Variants in SGCZ observed in about 807,000 individuals in gnomAD.
SGCZ encodes the protein sarcoglycan zeta, also known as zeta-sarcoglycan.
In SGCZ, 40 loss-of-function variants were observed where a neutral mutation model predicts 41.3. That is an observed-to-expected ratio of 0.97 (90% confidence interval 0.75 to 1.26). The LOEUF is 1.26. Among genes scored for constraint, SGCZ ranks in the 50% most tolerant of loss-of-function variants. The pLI is 0.00. For synonymous variants in SGCZ, 206 were observed against 137.5 expected (o/e 1.50, Z -3.49); for missense variants, 552 against 369.8 (o/e 1.49, Z -4.04).
intron 1 of SGCZ, among the ~76,000 whole-genome samples, chr8:14,894,747 T>G (rs1452501725): frequency 6.6e-6 from 1 of 151,440 alleles, no homozygotes; most frequent in East Asian, 1.9e-4. Flanking sequence ...GTCGGTCTTC[T>G]TTTTGTTATA....
intron 1 of SGCZ, among the ~76,000 whole-genome samples, chr8:14,996,984 T>C (rs1260149541): frequency 6.6e-6 from 1 of 152,198 alleles, no homozygotes; most frequent in Non-Finnish European, 1.5e-5. Flanking sequence ...AGACGCTCTT[T>C]TGTGTTCATT....
intron 2 of SGCZ, among the ~76,000 whole-genome samples, chr8:14,494,967 G>A (rs1236954609): frequency 6.6e-6 from 1 of 152,138 alleles, no homozygotes; most frequent in Non-Finnish European, 1.5e-5. Flanking sequence ...GAATTTAAAG[G>A]TAATTTGGGG....
chr8:14,502,513 A>G (rs1802182917), intron 2 of SGCZ, among the ~76,000 whole-genome samples: 1 of 152,152 alleles, frequency 6.6e-6, no homozygotes, highest in Non-Finnish European at 1.5e-5. Flanking sequence ...ACACTTTTAA[A>G]GTATACTGCT....
In SGCZ at chr8:15,008,347, T is replaced by C. The variant is rs1394332608; in HGVS notation, c.39+229238A>G. On this transcript the variant is annotated intron_variant, in intron 1 of 7. Coordinates refer to ENST00000382080, the MANE Select transcript of SGCZ (RefSeq NM_139167.4). ...TGTGATATTTTCATTGTTTTAGTTG[T>C]TTCATTTTTATTTTTTATTGAAGGA... Among the ~76,000 whole-genome samples the C allele has an allele frequency of 2.0e-5, 3 of 151,958 alleles. No homozygotes were observed. The East Asian group carries it at 5.8e-4, about 29-fold the overall frequency.
rs560592220 is a variant in SGCZ at position 14,217,217 on chromosome 8, A to T, written c.424+20375T>A. Among the ~76,000 whole-genome samples the T allele has an allele frequency of 4.3e-3, 638 of 147,232 alleles. 4 individuals carry two copies. The highest frequency in any genetic ancestry group is 7.2e-3 in the Non-Finnish European group (487 of 67,284). ...AGGCTGAGGCAGGAGAATGGCGTGA[A>T]CCTGGGAGGCAGAGGTTGCAGTGAG... On this transcript the variant is annotated intron_variant, in intron 4 of 7. Coordinates refer to ENST00000382080, the MANE Select transcript of SGCZ (RefSeq NM_139167.4).
intron 2 of SGCZ, among the ~76,000 whole-genome samples, chr8:14,386,302 TA>T (rs5889531): frequency 0.14 from 18,775 of 138,254 alleles, 2,392 homozygotes; most frequent in African/African-American, 0.34. Flanking sequence ...TGCATCATGG[TA>T]AAAAAAAAAA....
intron 4 of SGCZ, among the ~76,000 whole-genome samples, chr8:14,216,381 G>A (rs1472419137): frequency 6.6e-6 from 1 of 152,008 alleles, no homozygotes; most frequent in Non-Finnish European, 1.5e-5. Context: ...ACAGGAGAAG[G>A]CACTTCCTAA....
At chr8:15,044,956 T>G (rs1211039146) in intron 1 of SGCZ, among the ~76,000 whole-genome samples, 2 of 152,138 alleles carry the variant, frequency 1.3e-5, no homozygotes, top group Non-Finnish European at 2.9e-5. Flanking sequence ...GAATTTGTAC[T>G]ACAAAAAGTA....
intron 1 of SGCZ, among the ~76,000 whole-genome samples, chr8:14,916,308 AC>A (rs1288360500): frequency 6.6e-6 from 1 of 152,222 alleles, no homozygotes; most frequent in Non-Finnish European, 1.5e-5. Context: ...TACATATAGC[AC>A]AGAAAACCCA....
chr8:14,751,948 A>G (rs1463230110), intron 1 of SGCZ, among the ~76,000 whole-genome samples: 1 of 140,612 alleles, frequency 7.1e-6, no homozygotes, highest in Non-Finnish European at 1.6e-5. Context: ...AACAAAAACA[A>G]ACAAAAAAAA....
intron 4 of SGCZ, among the ~76,000 whole-genome samples, chr8:14,206,895 T>C (rs987406816): frequency 6.6e-6 from 1 of 152,166 alleles, no homozygotes; most frequent in Non-Finnish European, 1.5e-5. Context: ...TGAGAACACC[T>C]GGGAATAGAC....
intron 1 of SGCZ, among the ~76,000 whole-genome samples, chr8:15,009,551 T>G (rs552279681): frequency 1.4e-3 from 209 of 152,264 alleles, no homozygotes; most frequent in Non-Finnish European, 2.0e-3. Flanking sequence ...CCACTTAGAT[T>G]GAAGGTGATG....
intron 1 of SGCZ, among the ~76,000 whole-genome samples, chr8:14,821,252 T>A (rs1210932352): frequency 6.6e-6 from 1 of 152,010 alleles, no homozygotes; most frequent in Non-Finnish European, 1.5e-5. Flanking sequence ...ATACACTGTC[T>A]ACTAAAATTA....
intron 1 of SGCZ, among the ~76,000 whole-genome samples, chr8:14,978,818 A>G (rs1374770209): frequency 6.6e-6 from 1 of 152,048 alleles, no homozygotes; most frequent in African/African-American, 2.4e-5. Context: ...TTTTGTTTTG[A>G]GATGGGGTCT....
At chr8:14,598,181 G>A (rs1013693815) in intron 1 of SGCZ, among the ~76,000 whole-genome samples, 1 of 151,766 alleles carries the variant, frequency 6.6e-6, no homozygotes, top group African/African-American at 2.4e-5. Flanking sequence ...TAATGTTTTG[G>A]TAATTTTATA....
chr8:14,798,923 C>A (rs898580241), intron 1 of SGCZ, among the ~76,000 whole-genome samples: 1 of 151,566 alleles, frequency 6.6e-6, no homozygotes, highest in Non-Finnish European at 1.5e-5. Context: ...AATCTTTTTA[C>A]TAGAGAAAAG....
intron 1 of SGCZ, among the ~76,000 whole-genome samples, chr8:14,967,553 T>C (rs1801161392): frequency 6.6e-6 from 1 of 152,204 alleles, no homozygotes; most frequent in Non-Finnish European, 1.5e-5. Context: ...TCAAGTTTTC[T>C]ATCCTTCAAA....
intron 2 of SGCZ, among the ~76,000 whole-genome samples, chr8:14,462,941 T>C (rs1012979915): frequency 8.6e-5 from 13 of 151,768 alleles, no homozygotes. Context: ...TCATTATTTC[T>C]GATGCTATTG....
At chr8:14,781,783 A>T (rs1800595442) in intron 1 of SGCZ, among the ~76,000 whole-genome samples, 1 of 152,174 alleles carries the variant, frequency 6.6e-6, no homozygotes, top group Non-Finnish European at 1.5e-5. Flanking sequence ...GCCTACCTTA[A>T]ATATGCCTAC....
Sources: gnomAD v4.1 joint callset for allele counts (sites outside exome capture counted in the v4.1 genomes callset) on GRCh38, gnomAD v4.1.1 for gene constraint, MANE v1.5 for transcripts, NCBI Gene and HGNC (gene_info 2026-07-23, HGNC 2026-07-21) for gene names.